PRDM16: variants seen among roughly 807,000 people sequenced by gnomAD.
PRDM16 encodes histone-lysine N-methyltransferase PRDM16.
A neutral mutation model predicts 110.6 loss-of-function variants in PRDM16; 23 were observed. The ratio of observed to expected loss-of-function variants is 0.21; its 90% CI spans 0.15 to 0.29. The LOEUF is 0.29. Among genes scored for constraint, PRDM16 ranks in the 10% least tolerant of loss-of-function variants. The probability of loss-of-function intolerance (pLI) is 1.00; values close to 1 mark genes in which losing one functional copy is unlikely to be tolerated. For synonymous variants in PRDM16, 799 were observed against 781.8 expected, an observed-to-expected ratio of 1.02 and a Z score of -0.37; for missense variants, 1,615 against 1,794.3, an observed-to-expected ratio of 0.90 and a Z score of 1.81.
rs759018921 is a variant in PRDM16, at chr1:3,323,492, G to A, written c.439-61660G>A. 5.9e-4 allele frequency among the ~76,000 whole-genome samples: 90 copies of A among 152,262 alleles called. 1 individual carries two copies. Among genetic ancestry groups the A allele is most frequent in the Non-Finnish European group, 1.2e-3 (83 of 68,046 alleles). Reference sequence around the variant, plus strand: ...TCTTCCTCCCACAGCAGGCGTGGACGGCTCTCCTGGAAAGCCCAGGGAGGC... The same window carrying A: ...TCTTCCTCCCACAGCAGGCGTGGACAGCTCTCCTGGAAAGCCCAGGGAGGC... On this transcript the variant is annotated intron_variant, in intron 3 of 16. Transcript: ENST00000270722.
chr1:3,426,336 G>T, intron 14 of PRDM16, 111 bp downstream of exon 14: 1 of 847,736 alleles, frequency 1.2e-6, no homozygotes, highest in Non-Finnish European at 1.8e-6. Flanking sequence ...AACACATCCA[G>T]ATAGGCGCAG....
In PRDM16 at chr1:3,428,195, ACCCCGAGC is replaced by A. The variant is rs1401631261; in HGVS notation, c.3284+1971_3284+1978del. 5.2e-3 allele frequency among the ~76,000 whole-genome samples: 777 copies of A among 150,740 alleles called. 26 individuals are homozygous for A. The highest frequency in any genetic ancestry group is 0.018 in the African/African-American group (724 of 40,974). On this transcript the variant is annotated intron_variant, in intron 14 of 16. Coordinates refer to ENST00000270722, the MANE Select transcript of PRDM16 (RefSeq NM_022114.4). ...GCCGCACTGCAGGAGACCCACCAGG[ACCCCGAGC>A]TAGGGTGCAGCCCGGCCGCACTGCA...
At chr1:3,150,990 G>A in intron 1 of PRDM16, among the ~76,000 whole-genome samples, 1 of 110,058 alleles carries the variant, frequency 9.1e-6, no homozygotes, top group African/African-American at 3.4e-5. Context: ...GGAAACGGGG[G>A]GCTGGTCCTA....
intron 3 of PRDM16, among the ~76,000 whole-genome samples, chr1:3,342,123 G>A (rs1168897041): frequency 1.3e-5 from 2 of 152,186 alleles, no homozygotes; most frequent in Non-Finnish European, 2.9e-5. Flanking sequence ...CTCTGAGAGG[G>A]GAGCCTCGTG....
intron 3 of PRDM16, among the ~76,000 whole-genome samples, chr1:3,345,691 CCTCGGGTCCTCCCATGCTGCCCT>C (rs1293596339): frequency 3.9e-5 from 6 of 152,178 alleles, no homozygotes; most frequent in East Asian, 3.9e-4. Flanking sequence ...CCAGGCCACC[CCTCGGGTCCTCCCATGCTGCCCT>C]CTCGGGTCCT....
chr1:3,313,734 CCCG>C (rs1327152451), intron 3 of PRDM16, among the ~76,000 whole-genome samples: 27 of 152,210 alleles, frequency 1.8e-4, no homozygotes, highest in African/African-American at 6.5e-4. Flanking sequence ...CGCCTCCTGC[CCCG>C]GCGGGCCTGG....
chr1:3,431,167 AG>A lies in PRDM16; in HGVS notation c.3521+64del, dbSNP rs146391869. 244 of 1,525,090 alleles carry A rather than the reference AG, an allele frequency of 1.6e-4. 1 individual carries two copies. The East Asian group carries it at 5.2e-3, about 32-fold the overall frequency. 94.5% of individuals were successfully genotyped at this position (1,525,090 alleles called of 1,614,324 possible). On this transcript the variant is annotated intron_variant, in intron 15 of 16. Coordinates refer to ENST00000270722, the MANE Select transcript of PRDM16 (RefSeq NM_022114.4). ...GGAGGGAACGTGGGCGTCCATCACG[AG>A]GGGGACCTCCCTCTTCAGCCACTCG...
At chr1:3,344,150 A>G (rs1642320442) in intron 3 of PRDM16, among the ~76,000 whole-genome samples, 1 of 152,168 alleles carries the variant, frequency 6.6e-6, no homozygotes, top group South Asian at 2.1e-4. Flanking sequence ...CAGCCTGGAC[A>G]ACATAACAAG....
At chr1:3,174,129 G>T (rs1273491641) in intron 1 of PRDM16, among the ~76,000 whole-genome samples, 1 of 152,320 alleles carries the variant, frequency 6.6e-6, no homozygotes, top group East Asian at 1.9e-4. Flanking sequence ...CCTAGGGGAA[G>T]AGTCCCCGCT....
At chr1:3,142,615 T>G (rs957594124) in intron 1 of PRDM16, among the ~76,000 whole-genome samples, 4 of 152,164 alleles carry the variant, frequency 2.6e-5, no homozygotes, top group Non-Finnish European at 5.9e-5. Context: ...AGGCTGCCAC[T>G]GCCGTGTATG....
At chr1:3,153,780 T>C (rs570074937) in intron 1 of PRDM16, among the ~76,000 whole-genome samples, 3 of 152,222 alleles carry the variant, frequency 2.0e-5, no homozygotes, top group Non-Finnish European at 4.4e-5. Context: ...ACCCGCACCA[T>C]TGAGAAGCGT....
At chr1:3,219,674 C>T (rs1415553753) in intron 2 of PRDM16, among the ~76,000 whole-genome samples, 3 of 152,168 alleles carry the variant, frequency 2.0e-5, no homozygotes, top group South Asian at 2.1e-4. Context: ...GATAATGTCC[C>T]GCAGGAGTGA....
At chr1:3,260,495 G>T (rs1015243033) in intron 3 of PRDM16, among the ~76,000 whole-genome samples, 2 of 151,956 alleles carry the variant, frequency 1.3e-5, no homozygotes, top group Non-Finnish European at 2.9e-5. Flanking sequence ...TTATGGTGGT[G>T]ACTATACAAG....
chr1:3,312,234 G>A (rs146748526), intron 3 of PRDM16, among the ~76,000 whole-genome samples: 1,789 of 152,338 alleles, frequency 0.012, 37 homozygotes, highest in African/African-American at 0.041. Context: ...CCATGGCGCC[G>A]TCAGCATCCT....
chr1:3,164,203 A>T (rs1402086675), intron 1 of PRDM16, among the ~76,000 whole-genome samples: 1 of 152,262 alleles, frequency 6.6e-6, no homozygotes, highest in Non-Finnish European at 1.5e-5. Context: ...AACACAGGAG[A>T]TCATTCCGTG....
intron 3 of PRDM16, among the ~76,000 whole-genome samples, chr1:3,321,463 G>C (rs1272216442): frequency 6.6e-6 from 1 of 151,402 alleles, no homozygotes; most frequent in Non-Finnish European, 1.5e-5. Context: ...GGGGGCACAT[G>C]TGTGAAGGGT....
chr1:3,356,645 G>T (rs1357358837), intron 3 of PRDM16, among the ~76,000 whole-genome samples: 2 of 152,176 alleles, frequency 1.3e-5, no homozygotes, highest in African/African-American at 4.8e-5. Flanking sequence ...GATGATCTTA[G>T]CCTGCCCCAG....
intron 3 of PRDM16, among the ~76,000 whole-genome samples, chr1:3,288,083 C>G (rs1417510178): frequency 6.6e-6 from 1 of 152,258 alleles, no homozygotes; most frequent in Non-Finnish European, 1.5e-5. Context: ...TCAGGCAGGG[C>G]CAGCTAGCTG....
chr1:3,104,332 G>A (rs1231837471), intron 1 of PRDM16, among the ~76,000 whole-genome samples: 1 of 152,224 alleles, frequency 6.6e-6, no homozygotes, highest in African/African-American at 2.4e-5. Context: ...AGCTGGGAGG[G>A]GTGGGGTTGG....
Sources: gnomAD v4.1 joint callset for allele counts (sites outside exome capture counted in the v4.1 genomes callset) on GRCh38, gnomAD v4.1.1 for gene constraint, MANE v1.5 for transcripts, NCBI Gene and HGNC (gene_info 2026-07-23, HGNC 2026-07-21) for gene names.